Variants in FNDC3B observed in about 807,000 individuals in gnomAD.
FNDC3B encodes the protein fibronectin type III domain containing 3B.
In FNDC3B, 12 loss-of-function variants were observed where a neutral mutation model predicts 151.5. That is an observed-to-expected ratio of 0.08 (90% CI 0.05 to 0.13). The LOEUF (loss-of-function observed/expected upper bound fraction) is 0.13. Ranked by LOEUF, FNDC3B falls within the 10% of genes least tolerant of loss-of-function variation. The pLI is 1.00. For missense variants in FNDC3B, 1,214 were observed against 1,505.3 expected (o/e 0.81, Z 3.20); for synonymous variants, 528 against 549.0 (o/e 0.96, Z 0.54).
intron 1 of FNDC3B, among the ~76,000 whole-genome samples, chr3:172,098,645 A>AT (rs557946759): frequency 1.1e-3 from 162 of 150,210 alleles, no homozygotes; most frequent in South Asian, 3.1e-3. Context: ...ATGGCTTAGT[A>AT]TTTTTTTTTT....
At chr3:172,152,985 G>T (rs574064401) in intron 3 of FNDC3B, among the ~76,000 whole-genome samples, 7 of 152,230 alleles carry the variant, frequency 4.6e-5, no homozygotes, top group African/African-American at 1.4e-4. Flanking sequence ...TGTGTTTACC[G>T]TATGTGTTTA....
chr3:172,307,580 C>T, intron 10 of FNDC3B, 79 bp downstream of exon 10: 3 of 1,433,650 alleles, frequency 2.1e-6, no homozygotes, highest in Middle Eastern at 2.1e-4. Context: ...CTAGTCCCAG[C>T]TACCTGGGAG....
At chr3:172,130,489 A>G (rs537729572) in intron 2 of FNDC3B, among the ~76,000 whole-genome samples, 5 of 151,950 alleles carry the variant, frequency 3.3e-5, no homozygotes, top group Admixed American at 3.3e-4. Flanking sequence ...CTCCCTGAAG[A>G]AGTGGGATGG....
At chr3:172,133,216 G>C (rs1576894808) in intron 2 of FNDC3B, among the ~76,000 whole-genome samples, 1 of 152,280 alleles carries the variant, frequency 6.6e-6, no homozygotes, top group Middle Eastern at 3.4e-3. Context: ...GCTTTTCAAA[G>C]AAAAGTTTTC....
At chr3:172,050,908 A>T (rs1262266867) in intron 1 of FNDC3B, among the ~76,000 whole-genome samples, 4 of 152,022 alleles carry the variant, frequency 2.6e-5, no homozygotes, top group African/African-American at 4.8e-5. Context: ...ATCAAAAGGT[A>T]TTGAGAGTCA....
chr3:172,250,460 C>T (rs1300337296), intron 5 of FNDC3B, among the ~76,000 whole-genome samples: 1 of 152,150 alleles, frequency 6.6e-6, no homozygotes, highest in Non-Finnish European at 1.5e-5. Context: ...CTTTTGTATG[C>T]CACAGAAAAC....
intron 3 of FNDC3B, among the ~76,000 whole-genome samples, chr3:172,172,428 AGTGT>A (rs1456620048): frequency 1.3e-5 from 2 of 152,246 alleles, no homozygotes; most frequent in Admixed American, 1.3e-4. Flanking sequence ...GGTTATTTTT[AGTGT>A]GACAAAGTAA....
At chr3:172,159,856 ATG>A (rs920683119) in intron 3 of FNDC3B, among the ~76,000 whole-genome samples, 41 of 152,344 alleles carry the variant, frequency 2.7e-4, no homozygotes, top group African/African-American at 8.9e-4. Flanking sequence ...AGCCTTATAT[ATG>A]TTCCTTTATC....
chr3:172,180,413 T>C (rs894208509), intron 3 of FNDC3B, among the ~76,000 whole-genome samples: 4 of 152,162 alleles, frequency 2.6e-5, no homozygotes, highest in Non-Finnish European at 5.9e-5. Context: ...CACTGTGGTC[T>C]TTAGATAGAA....
chr3:172,195,314 A>G (rs937115583), intron 3 of FNDC3B, among the ~76,000 whole-genome samples: 2 of 152,214 alleles, frequency 1.3e-5, no homozygotes, highest in African/African-American at 4.8e-5. Flanking sequence ...ACTGTGTGAA[A>G]TTATTTTAGT....
intron 1 of FNDC3B, among the ~76,000 whole-genome samples, chr3:172,083,640 C>T (rs1718393367): frequency 6.7e-6 from 1 of 149,552 alleles, no homozygotes; most frequent in African/African-American, 2.6e-5. Flanking sequence ...TACAAGACAT[C>T]AGGTAGTTGT....
intron 3 of FNDC3B, among the ~76,000 whole-genome samples, chr3:172,139,282 A>T (rs1271023804): frequency 6.6e-6 from 1 of 152,074 alleles, no homozygotes; most frequent in Non-Finnish European, 1.5e-5. Flanking sequence ...GGTCCTAGGG[A>T]ATTTGGGTTG....
At chr3:172,063,869 T>G (rs1044845367) in intron 1 of FNDC3B, among the ~76,000 whole-genome samples, 4 of 152,154 alleles carry the variant, frequency 2.6e-5, no homozygotes, top group African/African-American at 9.7e-5. Context: ...CTCACCAAAT[T>G]TATTTATATG....
chr3:172,143,341 A>G (rs574488887), intron 3 of FNDC3B, among the ~76,000 whole-genome samples: 74 of 152,304 alleles, frequency 4.9e-4, no homozygotes, highest in Middle Eastern at 3.4e-3. Context: ...ACCTGTAAAA[A>G]TGCATGAGGG....
At chr3:172,131,514 C>G (rs1277535182) in intron 2 of FNDC3B, among the ~76,000 whole-genome samples, 1 of 151,926 alleles carries the variant, frequency 6.6e-6, no homozygotes, top group African/African-American at 2.4e-5. Flanking sequence ...ACTGAAAACT[C>G]AAAGATTATC....
chr3:172,325,729 T>C (rs527346348), intron 11 of FNDC3B, among the ~76,000 whole-genome samples: 1 of 152,332 alleles, frequency 6.6e-6, no homozygotes, highest in Admixed American at 6.5e-5. Context: ...CCAGTGGCCT[T>C]CTCCAGTTCA....
intron 11 of FNDC3B, among the ~76,000 whole-genome samples, chr3:172,326,161 A>G (rs1732332281): frequency 6.6e-6 from 1 of 152,252 alleles, no homozygotes; most frequent in Non-Finnish European, 1.5e-5. Flanking sequence ...CATGTTATAC[A>G]TGAATATGTT....
intron 1 of FNDC3B, among the ~76,000 whole-genome samples, chr3:172,103,759 G>A (rs988200739): frequency 1.3e-5 from 2 of 152,114 alleles, no homozygotes; most frequent in African/African-American, 4.8e-5. Flanking sequence ...GATGTAAAAC[G>A]CAAGAACGTT....
intron 2 of FNDC3B, among the ~76,000 whole-genome samples, chr3:172,128,889 A>T (rs537990179): frequency 2.6e-5 from 4 of 151,944 alleles, no homozygotes; most frequent in African/African-American, 9.7e-5. Context: ...TTATATCTTG[A>T]TTGTCTGAGG....
Sources: allele counts gnomAD v4.1 joint callset (sites outside exome capture counted in the v4.1 genomes callset), GRCh38; gene constraint gnomAD v4.1.1; transcripts MANE v1.5; gene names NCBI Gene and HGNC (gene_info 2026-07-23, HGNC 2026-07-21).